DPP4: variants seen among roughly 807,000 people sequenced by gnomAD.
The protein encoded by DPP4 is ADCP-2.
Under a neutral mutation model 122.4 loss-of-function variants are expected in DPP4, and 93 were observed. The observed-to-expected ratio is 0.76, with a 90% CI of 0.64 to 0.90. DPP4 has a LOEUF of 0.90. Among genes scored for constraint, DPP4 ranks in the 40% least tolerant of loss-of-function variants. The pLI, the probability that DPP4 is intolerant of heterozygous loss-of-function variation, is 0.00. For synonymous variants in DPP4, 321 were observed against 302.9 expected (o/e 1.06, Z -0.62); for missense variants, 914 against 907.3 (o/e 1.01, Z -0.09).
intron 5 of DPP4, among the ~76,000 whole-genome samples, chr2:162,041,269 C>T (rs760922991): frequency 9.2e-5 from 14 of 152,082 alleles, no homozygotes; most frequent in Non-Finnish European, 2.1e-4. Flanking sequence ...CTTGTCTATA[C>T]GTCTGCCTTC....
At chr2:162,048,099 C>T (rs1394779858) in intron 2 of DPP4, among the ~76,000 whole-genome samples, 5 of 152,114 alleles carry the variant, frequency 3.3e-5, no homozygotes, top group Admixed American at 6.6e-5. Flanking sequence ...CTTTGGGGCC[C>T]AGTTTCAGGC....
At chr2:162,017,199 T>C (rs199653013) in intron 16 of DPP4, 44 bp from the exon 17 acceptor site, 1 of 1,559,072 alleles carries the variant, frequency 6.4e-7, no homozygotes, top group African/African-American at 1.4e-5. Flanking sequence ...GAATACTTTT[T>C]TAGAAAAGAT....
chr2:162,001,494 A>C (rs1426545965), intron 23 of DPP4, among the ~76,000 whole-genome samples: 1 of 152,180 alleles, frequency 6.6e-6, no homozygotes, highest in Non-Finnish European at 1.5e-5. Context: ...ATCTTTTATT[A>C]CCTACTCTCT....
intron 23 of DPP4, among the ~76,000 whole-genome samples, chr2:162,003,701 A>G (rs1437409875): frequency 6.6e-6 from 1 of 152,222 alleles, no homozygotes; most frequent in African/African-American, 2.4e-5. Flanking sequence ...GGTCGTTAAC[A>G]AGAAAATTTG....
chr2:162,072,462 A>G (rs1190477131), intron 2 of DPP4, among the ~76,000 whole-genome samples: 3 of 152,228 alleles, frequency 2.0e-5, no homozygotes, highest in African/African-American at 7.2e-5. Context: ...CATGGTTTTC[A>G]TAGCTCTACA....
intron 22 of DPP4, among the ~76,000 whole-genome samples, chr2:162,008,068 T>C (rs963489882): frequency 2.9e-4 from 44 of 152,096 alleles, no homozygotes; most frequent in African/African-American, 1.0e-3. Flanking sequence ...AATAATACTC[T>C]CTCGATGACA....
chr2:162,054,123 C>T (rs1402405243), intron 2 of DPP4, among the ~76,000 whole-genome samples: 2 of 152,176 alleles, frequency 1.3e-5, no homozygotes, highest in Non-Finnish European at 2.9e-5. Context: ...TATTTTTAAA[C>T]CTCAAGATGT....
At position 162,044,965 on chromosome 2, in the gene DPP4, T is replaced by TTTC. The variant is rs369599968; in HGVS notation, c.366+566_366+567insGAA. Among the ~76,000 whole-genome samples, 994 of 125,156 alleles carry TTTC rather than the reference T, an allele frequency of 7.9e-3. 5 individuals carry two copies. The highest frequency in any genetic ancestry group is 0.026 in the African/African-American group (760 of 28,950). The allele number at this position is 125,156 out of a possible 152,430, so 82.1% of individuals were successfully genotyped here. A position where few individuals can be genotyped will look rare whatever the true frequency, so the allele number is the denominator to read the frequency against. ...CCTTTTCTTTTTCTTTCTTTCTTTC[T>TTTC]TTTTTTTTTTTTTGACGGGGTCTCA... On this transcript the variant is annotated intron_variant, in intron 5 of 25. Transcript: ENST00000360534.
At chr2:162,034,022 T>C (rs966729289) in intron 9 of DPP4, among the ~76,000 whole-genome samples, 16 of 151,926 alleles carry the variant, frequency 1.1e-4, no homozygotes, top group African/African-American at 3.9e-4. Context: ...TTTGCAAATA[T>C]ACCCTGTCTC....
chr2:162,046,957 A>G lies in DPP4; in HGVS notation c.243T>C (p.Ala81=). 1 of 1,597,804 alleles carries G rather than the reference A, an allele frequency of 6.3e-7. No homozygotes were observed. Residue 81 remains alanine, a synonymous_variant, in exon 4 of 26, where the codon GCT becomes GCC. Transcript: ENST00000360534. ...KQENNILVFN[A]EYGNSSVFLE... is the part of the protein sequence containing the mutation. ...AGAAAACTGAGCTGTTTCCATATTC[A>G]GCATTGAATACCAAGATATTATTTT...
intron 12 of DPP4, 81 bp downstream of exon 12, chr2:162,022,674 G>C: frequency 2.3e-6 from 3 of 1,329,954 alleles, no homozygotes; most frequent in African/African-American, 2.9e-5. Flanking sequence ...GTATCACTTA[G>C]AGCCCTAGTT....
chr2:161,993,493 A>T, intron 25 of DPP4, 109 bp from the exon 26 acceptor site: 5 of 735,750 alleles, frequency 6.8e-6, no homozygotes, highest in Non-Finnish European at 1.1e-5. Context: ...TATAAAACAG[A>T]GTGTTTTAAT....
At chr2:162,055,585 C>T (rs752069166) in intron 2 of DPP4, among the ~76,000 whole-genome samples, 42 of 151,462 alleles carry the variant, frequency 2.8e-4, no homozygotes, top group Admixed American at 5.9e-4. Flanking sequence ...AACCCAGCTA[C>T]GCAGGAAGCT....
At chr2:162,031,111 A>T (rs1576051454) in intron 10 of DPP4, among the ~76,000 whole-genome samples, 1 of 152,234 alleles carries the variant, frequency 6.6e-6, no homozygotes, top group Non-Finnish European at 1.5e-5. Context: ...TAACTAACTT[A>T]TTCAAATATT....
At chr2:162,036,403 G>T (rs571138751) in intron 8 of DPP4, among the ~76,000 whole-genome samples, 2 of 152,134 alleles carry the variant, frequency 1.3e-5, no homozygotes, top group Admixed American at 6.5e-5. Flanking sequence ...CTAACTATGC[G>T]CCAGGTATTG....
chr2:162,013,895 A>G lies in DPP4; in HGVS notation c.1637+501T>C, dbSNP rs559743641. ...ACTATTCAAAGACTTGTGACTTCCT[A>G]ACTTTCTCAAAGACTTGAAGTTTTT... On this transcript the variant is annotated intron_variant, in intron 19 of 25. Coordinates refer to ENST00000360534, the MANE Select transcript of DPP4 (RefSeq NM_001935.4). 2.6e-5 allele frequency among the ~76,000 whole-genome samples: 4 copies of G among 152,292 alleles called. No individual in the cohort carries two copies. In the East Asian group the frequency reaches 7.7e-4, roughly 29 times the overall value.
intron 18 of DPP4, 126 bp downstream of exon 18, chr2:162,016,641 AT>A: frequency 1.8e-6 from 1 of 568,752 alleles, no homozygotes; most frequent in Non-Finnish European, 2.9e-6. Context: ...AAAACATTTC[AT>A]GGAGAAATAA....
rs1465474135 is a variant in DPP4, at chr2:162,014,424, A to G, written c.1609T>C (p.Ser537Pro). 1 of 1,608,638 alleles carries G rather than the reference A, an allele frequency of 6.2e-7. No homozygotes were observed. The highest frequency in any genetic ancestry group is 8.5e-7 in the Non-Finnish European group (1 of 1,177,340). ...TCTAATAGTAGAGGATATTTCTTGG[A>G]TTTATCAAAATGAGGAGGCAAGATC... ...QMILPPHFDK[S>P]KKYPLLLDVY... Residue 537 changes from serine to proline, a missense_variant, in exon 19 of 26, where the codon TCC becomes CCC. Transcript: ENST00000360534.
At chr2:162,052,136 T>C (rs891551335) in intron 2 of DPP4, among the ~76,000 whole-genome samples, 1 of 151,782 alleles carries the variant, frequency 6.6e-6, no homozygotes, top group Non-Finnish European at 1.5e-5. Context: ...CTGACCAACA[T>C]GGAGAAACCC....
Sources: gnomAD v4.1 joint callset for allele counts (sites outside exome capture counted in the v4.1 genomes callset) on GRCh38, gnomAD v4.1.1 for gene constraint, MANE v1.5 for transcripts, NCBI Gene and HGNC (gene_info 2026-07-23, HGNC 2026-07-21) for gene names.